SLC22A23: variants seen among roughly 807,000 people sequenced by gnomAD.
SLC22A23 encodes the protein ion transporter protein.
SLC22A23 carries 26 observed loss-of-function variants against 61.0 expected under a neutral mutation model. That is an observed-to-expected ratio of 0.43 (90% CI 0.31 to 0.59). SLC22A23 has a LOEUF of 0.59. Among genes scored for constraint, SLC22A23 ranks in the 20% least tolerant of loss-of-function variants. SLC22A23 has a pLI of 0.11. For synonymous variants in SLC22A23, 430 were observed against 413.9 expected (o/e 1.04, Z -0.47); for missense variants, 796 against 934.7 (o/e 0.85, Z 1.94).
At chr6:3,332,123 G>A (rs979379891) in intron 3 of SLC22A23, among the ~76,000 whole-genome samples, 2 of 152,194 alleles carry the variant, frequency 1.3e-5, no homozygotes, top group Non-Finnish European at 2.9e-5. Flanking sequence ...TGGCCAAACA[G>A]CCGAGCCCTA....
In SLC22A23 at chr6:3,287,171, C is replaced by T. The variant is rs1760096034; in HGVS notation, c.1314-80G>A. ...GCTGCCTCCTGGGAGTTCGTGCTGT[C>T]AGGTGACCAGGAGATGAAGAAGCAA... On this transcript the variant is annotated intron_variant, in intron 6 of 9. Coordinates refer to ENST00000406686, the MANE Select transcript of SLC22A23 (RefSeq NM_015482.2). 4.5e-6 allele frequency: 6 copies of T among 1,319,352 alleles called. No individual in the cohort carries two copies. The South Asian group carries it at 6.6e-5, about 14-fold the overall frequency. 81.7% of individuals were successfully genotyped at this position (1,319,352 alleles called of 1,614,324 possible).
rs1391754003 is a variant in SLC22A23, at chr6:3,318,419, C to T, written c.1082+5415G>A. Among the ~76,000 whole-genome samples the T allele has an allele frequency of 2.0e-5, 3 of 152,178 alleles. No individual in the cohort carries two copies. Among genetic ancestry groups the T allele is most frequent in the Non-Finnish European group, 4.4e-5 (3 of 68,032 alleles). On this transcript the variant is annotated intron_variant, in intron 4 of 9. Coordinates refer to ENST00000406686, the MANE Select transcript of SLC22A23 (RefSeq NM_015482.2). The surrounding 1 kb of genome is among the most constrained non-coding windows in gnomAD (Gnocchi z 4.3). The stretch of plus-strand genomic sequence containing the variant: ...AGTCACCCCGGGGCCAGCTTCCAGA[C>T]ACCTAGGGACAGCCCTATGCCCACG...
intron 1 of SLC22A23, among the ~76,000 whole-genome samples, chr6:3,424,017 C>T (rs765773764): frequency 2.6e-5 from 4 of 152,182 alleles, no homozygotes; most frequent in Admixed American, 2.6e-4. Flanking sequence ...TTCCCACAGC[C>T]GCAGGCTATG....
intron 5 of SLC22A23, among the ~76,000 whole-genome samples, chr6:3,292,677 T>C (rs912588421): frequency 1.3e-5 from 2 of 152,228 alleles, no homozygotes; most frequent in Non-Finnish European, 2.9e-5. Context: ...GTCTGGGTGC[T>C]GTGAGGGGCC....
At position 3,342,604 on chromosome 6, in the gene SLC22A23, G is replaced by A. The variant is rs979380778; in HGVS notation, c.914-18602C>T. ...ATGCTTTCCAGATGGAGCCCAGGAA[G>A]CCAGTAGATGGGGGGTCCAGGAGAT... On this transcript the variant is annotated intron_variant, in intron 3 of 9. Transcript: ENST00000406686. This position sits in a 1 kb window ranked among gnomAD's most constrained non-coding sequence, Gnocchi z 4.0. 6.6e-6 allele frequency among the ~76,000 whole-genome samples: 1 copy of A among 152,198 alleles called. No homozygotes were observed. The highest frequency in any genetic ancestry group is 1.5e-5 in the Non-Finnish European group (1 of 68,048).
At chr6:3,279,694 G>A (rs1023382395) in intron 9 of SLC22A23, among the ~76,000 whole-genome samples, 2 of 151,850 alleles carry the variant, frequency 1.3e-5, no homozygotes, top group Non-Finnish European at 2.9e-5. Context: ...TGAAATGTGG[G>A]CTCTGCCAGT....
rs535941647 is a variant in SLC22A23, at chr6:3,401,492, A to C, written c.913+8696T>G. Among the ~76,000 whole-genome samples the C allele has an allele frequency of 5.7e-4, 87 of 152,388 alleles. 1 individual carries two copies. The highest frequency in any genetic ancestry group is 7.7e-4 in the East Asian group (4 of 5,192). Reference sequence around the variant, plus strand: ...AAGACAGTGCTTCTCTGAGGCATACATAAATTAAAACCTATGCTCGAAATA... The same window carrying C: ...AAGACAGTGCTTCTCTGAGGCATACCTAAATTAAAACCTATGCTCGAAATA... On this transcript the variant is annotated intron_variant, in intron 3 of 9. Coordinates refer to ENST00000406686, the MANE Select transcript of SLC22A23 (RefSeq NM_015482.2).
Position 3,330,907 on chromosome 6 carries a change from T to C in SLC22A23, c.914-6905A>G, listed in dbSNP as rs1449341007. On this transcript the variant is annotated intron_variant, in intron 3 of 9. Coordinates refer to ENST00000406686, the MANE Select transcript of SLC22A23 (RefSeq NM_015482.2). This position sits in a 1 kb window ranked among gnomAD's most constrained non-coding sequence, Gnocchi z 4.7. ...CCAGTGTCTGCCAGACATGTAGACATAGGCATTAAATGCTCAAATGCAGAA... is the reference window on the plus strand; with the variant it reads ...CCAGTGTCTGCCAGACATGTAGACACAGGCATTAAATGCTCAAATGCAGAA... 2.0e-5 allele frequency among the ~76,000 whole-genome samples: 3 copies of C among 152,254 alleles called. No homozygotes were observed. Among genetic ancestry groups the C allele is most frequent in the Non-Finnish European group, 4.4e-5 (3 of 68,040 alleles).
intron 3 of SLC22A23, among the ~76,000 whole-genome samples, chr6:3,395,040 TC>T (rs764254967): frequency 6.6e-6 from 1 of 152,184 alleles, no homozygotes; most frequent in Non-Finnish European, 1.5e-5. Context: ...GGGGCTGGGC[TC>T]CAGGATGCTG....
chr6:3,284,856 C>G, intron 8 of SLC22A23: 1 of 1,490,154 alleles, frequency 6.7e-7, no homozygotes, highest in Non-Finnish European at 9.0e-7. Flanking sequence ...GCGTGCCAAG[C>G]AGCACACAAA....
chr6:3,450,587 G>T lies in SLC22A23; in HGVS notation c.654+5319C>A, dbSNP rs1026099838. 1.1e-3 allele frequency among the ~76,000 whole-genome samples: 160 copies of T among 152,262 alleles called. 1 individual carries two copies. Among genetic ancestry groups the T allele is most frequent in the Admixed American group, 0.01 (159 of 15,290 alleles). On this transcript the variant is annotated intron_variant, in intron 1 of 9. Transcript: ENST00000406686. ...CCCAAAGTGCTGGCATTACAGGCGTGAGCCACTGTGCCCGGCCGTCAGTTC... is the reference window on the plus strand; with the variant it reads ...CCCAAAGTGCTGGCATTACAGGCGTTAGCCACTGTGCCCGGCCGTCAGTTC...
At chr6:3,447,730 A>C (rs1187438530) in intron 1 of SLC22A23, among the ~76,000 whole-genome samples, 3 of 151,092 alleles carry the variant, frequency 2.0e-5, no homozygotes, top group South Asian at 2.1e-4. Context: ...CTGGGACTAC[A>C]GGTGCCCGCC....
At chr6:3,403,397 A>G (rs1445167882) in intron 3 of SLC22A23, among the ~76,000 whole-genome samples, 1 of 151,646 alleles carries the variant, frequency 6.6e-6, no homozygotes, top group Non-Finnish European at 1.5e-5. Context: ...CCAGCCAGCA[A>G]ACATGTGGTA....
intron 1 of SLC22A23, among the ~76,000 whole-genome samples, chr6:3,418,235 T>C (rs1485447308): frequency 1.3e-5 from 2 of 152,202 alleles, no homozygotes; most frequent in East Asian, 3.9e-4. Flanking sequence ...CCAGCTGCTG[T>C]CTTGATGGCA....
chr6:3,315,555 C>A (rs1422145490), intron 4 of SLC22A23, among the ~76,000 whole-genome samples: 1 of 152,166 alleles, frequency 6.6e-6, no homozygotes, highest in African/African-American at 2.4e-5. Context: ...AGTCTCGAAC[C>A]CTATTTCATG....
At position 3,303,552 on chromosome 6, in the gene SLC22A23, A is replaced by G. The variant is rs11242843; in HGVS notation, c.1083-5334T>C. On this transcript the variant is annotated intron_variant, in intron 4 of 9. Coordinates refer to ENST00000406686, the MANE Select transcript of SLC22A23 (RefSeq NM_015482.2). ...ATGAAATCCTGTCATTTGTGGCATC[A>G]TGGATGGAACTGAAAGACATTATGT... 1.1e-3 allele frequency among the ~76,000 whole-genome samples: 173 copies of G among 152,350 alleles called. 3 individuals carry two copies. In the East Asian group the frequency reaches 0.031, roughly 27 times the overall value.
At chr6:3,370,237 G>C (rs1277194554) in intron 3 of SLC22A23, among the ~76,000 whole-genome samples, 1 of 152,190 alleles carries the variant, frequency 6.6e-6, no homozygotes, top group Non-Finnish European at 1.5e-5. Flanking sequence ...TAAGAATTAT[G>C]CTTCTGTGGG....
In SLC22A23 at chr6:3,454,746, T is replaced by C. The variant is rs1424850465; in HGVS notation, c.654+1160A>G. 6.6e-6 allele frequency among the ~76,000 whole-genome samples: 1 copy of C among 152,222 alleles called. No individual in the cohort carries two copies. On this transcript the variant is annotated intron_variant, in intron 1 of 9. Coordinates refer to ENST00000406686, the MANE Select transcript of SLC22A23 (RefSeq NM_015482.2). The surrounding 1 kb of genome is among the most constrained non-coding windows in gnomAD (Gnocchi z 4.3). ...CAGTTCCCACAGGACAGAGCATTTC[T>C]GGCCAGGTTGGTACAAGATTAAAAC...
At position 3,286,395 on chromosome 6, in the gene SLC22A23, C is replaced by T. The variant is rs951003868; in HGVS notation, c.1546+464G>A. ...GATTACAGGCGTGAGCCACCGCACCCGGCCAGATTATTTTTAACCTTTACT... is the reference window on the plus strand; with the variant it reads ...GATTACAGGCGTGAGCCACCGCACCTGGCCAGATTATTTTTAACCTTTACT... On this transcript the variant is annotated intron_variant, in intron 7 of 9. Transcript: ENST00000406686. The surrounding 1 kb of genome is among the most constrained non-coding windows in gnomAD (Gnocchi z 4.2). Among the ~76,000 whole-genome samples the T allele has an allele frequency of 1.3e-5, 2 of 152,306 alleles. No individual in the cohort carries two copies. Among genetic ancestry groups the T allele is most frequent in the Admixed American group, 6.5e-5 (1 of 15,300 alleles).
Sources: gnomAD v4.1 joint callset for allele counts (sites outside exome capture counted in the v4.1 genomes callset) on GRCh38, gnomAD v4.1.1 for gene constraint, Gnocchi (gnomAD v3.1) non-coding constraint, MANE v1.5 for transcripts, NCBI Gene and HGNC (gene_info 2026-07-23, HGNC 2026-07-21) for gene names.